XKR6: variants seen among roughly 807,000 people sequenced by gnomAD.
XKR6 encodes XK-related protein 6.
Under a neutral mutation model 56.7 loss-of-function variants are expected in XKR6, and 22 were observed. The ratio of observed to expected loss-of-function variants is 0.39; its 90% CI spans 0.28 to 0.55. The LOEUF (loss-of-function observed/expected upper bound fraction) is 0.55. Ranked by LOEUF, XKR6 falls within the 20% of genes least tolerant of loss-of-function variation. The probability of loss-of-function intolerance (pLI) is 0.66; values close to 1 mark genes in which losing one functional copy is unlikely to be tolerated. For missense variants in XKR6, 852 were observed against 889.0 expected (o/e 0.96, Z 0.53); for synonymous variants, 524 against 387.8 (o/e 1.35, Z -4.13).
At chr8:10,954,866 CTTTTTTT>C (rs34248780) in intron 1 of XKR6, among the ~76,000 whole-genome samples, 1 of 92,794 alleles carries the variant, frequency 1.1e-5, no homozygotes. Context: ...ACTTCATTCT[CTTTTTTT>C]TTTTTTTTTT....
rs1798345705 is a variant in XKR6 at position 11,005,470 on chromosome 8, G to A, written c.765-80640C>T. Among the ~76,000 whole-genome samples the A allele has an allele frequency of 2.0e-5, 3 of 152,096 alleles. No individual in the cohort carries two copies. In the South Asian group the frequency reaches 6.2e-4, roughly 32 times the overall value. ...AGTTTCCATTTGGGAAGATGAAAAT[G>A]TTCTGGAAATGGACGGTGGTAATGG... is the stretch of plus-strand genomic sequence containing the variant. On this transcript the variant is annotated intron_variant, in intron 1 of 2. Transcript: ENST00000416569.
At chr8:11,147,625 C>T (rs1801051807) in intron 1 of XKR6, among the ~76,000 whole-genome samples, 1 of 146,196 alleles carries the variant, frequency 6.8e-6, no homozygotes, top group Admixed American at 6.9e-5. Context: ...CACTGCACTC[C>T]AGCCTTGTGA....
intron 1 of XKR6, among the ~76,000 whole-genome samples, chr8:10,996,958 G>T (rs1464851530): frequency 2.0e-5 from 3 of 152,084 alleles, no homozygotes; most frequent in Non-Finnish European, 4.4e-5. Context: ...AATAGAGAGA[G>T]ACCCTGCGTT....
At position 10,910,744 on chromosome 8, in the gene XKR6, T is replaced by C. The variant is rs116664485; in HGVS notation, c.962-11828A>G. Among the ~76,000 whole-genome samples the C allele has an allele frequency of 4.1e-3, 617 of 152,336 alleles. 7 individuals are homozygous for C. The highest frequency in any genetic ancestry group is 0.014 in the African/African-American group (570 of 41,582). ...AGGAACGCTAAATCCAGCCCCCTGC[T>C]TCACTTGTCTGTTCTTTTTAAGATT... On this transcript the variant is annotated intron_variant, in intron 2 of 2. Transcript: ENST00000416569.
At chr8:10,927,182 C>T (rs565353787) in intron 1 of XKR6, among the ~76,000 whole-genome samples, 1 of 152,292 alleles carries the variant, frequency 6.6e-6, no homozygotes, top group East Asian at 1.9e-4. Context: ...AAGGGCCAGG[C>T]TGATCAACCG....
intron 1 of XKR6, among the ~76,000 whole-genome samples, chr8:11,119,063 T>C (rs1336661649): frequency 6.6e-6 from 1 of 152,026 alleles, no homozygotes; most frequent in Non-Finnish European, 1.5e-5. Context: ...CATTTCATGA[T>C]GTACCCAGTA....
At chr8:11,189,441 C>T (rs1485807880) in intron 1 of XKR6, among the ~76,000 whole-genome samples, 2 of 152,184 alleles carry the variant, frequency 1.3e-5, no homozygotes. Flanking sequence ...ATGGCAACAG[C>T]AACTCTTTGG....
chr8:11,171,967 C>A (rs1002653927), intron 1 of XKR6, among the ~76,000 whole-genome samples: 1 of 151,790 alleles, frequency 6.6e-6, no homozygotes, highest in Non-Finnish European at 1.5e-5. Flanking sequence ...GCAAAAGAAT[C>A]GCTTGAACCC....
At chr8:11,069,696 G>GAACA (rs1252074329) in intron 1 of XKR6, among the ~76,000 whole-genome samples, 7 of 143,676 alleles carry the variant, frequency 4.9e-5, no homozygotes, top group Non-Finnish European at 9.0e-5. Flanking sequence ...AGGGAGAGGG[G>GAACA]AACATAGGTG....
chr8:11,180,506 G>T (rs1209422450), intron 1 of XKR6, among the ~76,000 whole-genome samples: 1 of 152,234 alleles, frequency 6.6e-6, no homozygotes, highest in African/African-American at 2.4e-5. Flanking sequence ...GCAAGGGTGG[G>T]GGAAGCAAAA....
At chr8:11,173,469 C>G (rs1401433809) in intron 1 of XKR6, among the ~76,000 whole-genome samples, 1 of 151,766 alleles carries the variant, frequency 6.6e-6, no homozygotes, top group East Asian at 1.9e-4. Context: ...TACAAGATGG[C>G]ACAGCATCGT....
At chr8:10,905,898 C>A (rs780036339) in intron 2 of XKR6, among the ~76,000 whole-genome samples, 5 of 152,138 alleles carry the variant, frequency 3.3e-5, no homozygotes, top group Non-Finnish European at 7.4e-5. Flanking sequence ...AAGCATAACC[C>A]ACTGTCTCCC....
intron 1 of XKR6, among the ~76,000 whole-genome samples, chr8:11,018,868 C>T (rs1798685943): frequency 6.6e-6 from 1 of 152,178 alleles, no homozygotes; most frequent in Admixed American, 6.5e-5. Context: ...ACTCCTGTCC[C>T]ACTCTGCATG....
chr8:10,955,020 C>T (rs535109783), intron 1 of XKR6, among the ~76,000 whole-genome samples: 1 of 152,146 alleles, frequency 6.6e-6, no homozygotes, highest in Admixed American at 6.5e-5. Flanking sequence ...AGGCATGTGC[C>T]ACCATGCCCA....
intron 1 of XKR6, among the ~76,000 whole-genome samples, chr8:11,027,837 A>G (rs564660914): frequency 2.2e-4 from 33 of 152,048 alleles, no homozygotes; most frequent in African/African-American, 8.0e-4. Context: ...GGCGCCTCCT[A>G]CCTACAAGGC....
chr8:11,097,855 T>A, intron 1 of XKR6, among the ~76,000 whole-genome samples: 1 of 132,708 alleles, frequency 7.5e-6, no homozygotes. Flanking sequence ...TATTACTAAA[T>A]ACATCGTAAA....
rs2409684 is a variant in XKR6 at position 11,043,102 on chromosome 8, G to T, written c.765-118272C>A. On this transcript the variant is annotated intron_variant, in intron 1 of 2. Transcript: ENST00000416569. Reference sequence around the variant, plus strand: ...CCACAGAGTACTCAGAACACGCAGGGCTCCCTAGGAACTCCATGCATTATG... The same window carrying T: ...CCACAGAGTACTCAGAACACGCAGGTCTCCCTAGGAACTCCATGCATTATG... Among the ~76,000 whole-genome samples the T allele has an allele frequency of 1.2e-3, 185 of 152,170 alleles. 3 individuals carry two copies. Among genetic ancestry groups the T allele is most frequent in the African/African-American group, 4.3e-3 (180 of 41,502 alleles).
intron 1 of XKR6, among the ~76,000 whole-genome samples, chr8:10,963,252 C>T (rs1802118829): frequency 6.6e-6 from 1 of 152,260 alleles, no homozygotes; most frequent in African/African-American, 2.4e-5. Context: ...ACTGGCTCTG[C>T]CTCAGGGCCT....
chr8:10,896,101 A>ATG lies in XKR6; in HGVS notation c.*1850_*1851insCA, dbSNP rs1171959543. The ATG allele has an allele frequency of 1.4e-5, 2 of 148,054 alleles. No individual in the cohort carries two copies. The highest frequency in any genetic ancestry group is 2.5e-5 in the African/African-American group (1 of 40,768). 9.2% of individuals were successfully genotyped at this position (148,054 alleles called of 1,614,324 possible). ...TGTGTGTTTATATATATATATATATATATACTTATTATATATCTTTTTTGT... is the reference window on the plus strand; with the variant it reads ...TGTGTGTTTATATATATATATATATATGTATACTTATTATATATCTTTTTTGT... On this transcript the variant is annotated 3_prime_UTR_variant, in exon 3 of 3. Transcript: ENST00000416569.
Sources: allele counts gnomAD v4.1 joint callset (sites outside exome capture counted in the v4.1 genomes callset), GRCh38; gene constraint gnomAD v4.1.1; transcripts MANE v1.5; gene names NCBI Gene and HGNC (gene_info 2026-07-23, HGNC 2026-07-21).